WDR70: variants seen among roughly 807,000 people sequenced by gnomAD.
The protein encoded by WDR70 is WD repeat-containing protein 70.
Under a neutral mutation model 88.6 loss-of-function variants are expected in WDR70, and 53 were observed. The ratio of observed to expected loss-of-function variants is 0.60; its 90% CI spans 0.48 to 0.75. WDR70 has a LOEUF of 0.75. Ranked by LOEUF, WDR70 falls within the 30% of genes least tolerant of loss-of-function variation. WDR70 has a pLI of 0.00. For synonymous variants in WDR70, 280 were observed against 270.0 expected (o/e 1.04, Z -0.36); for missense variants, 610 against 823.2 (o/e 0.74, Z 3.17).
chr5:37,557,956 T>TACTCTTTTGAAAACTCTTCAAA (rs1561900797), intron 9 of WDR70, among the ~76,000 whole-genome samples: 1 of 145,030 alleles, frequency 6.9e-6, no homozygotes, highest in Admixed American at 6.8e-5. Flanking sequence ...TTCAAAAGAG[T>TACTCTTTTGAAAACTCTTCAAA]ATTATGTATA....
At chr5:37,453,187 G>A (rs1738726710) in intron 7 of WDR70, among the ~76,000 whole-genome samples, 1 of 152,146 alleles carries the variant, frequency 6.6e-6, no homozygotes, top group Non-Finnish European at 1.5e-5. Flanking sequence ...CTGTCAGGGA[G>A]ACCCTAACCC....
chr5:37,561,307 G>T (rs1453912439), intron 9 of WDR70, among the ~76,000 whole-genome samples: 3 of 152,086 alleles, frequency 2.0e-5, no homozygotes, highest in South Asian at 2.1e-4. Flanking sequence ...AAAATGGACC[G>T]ATCTAACTAA....
At chr5:37,395,641 A>T (rs1045021088) in intron 4 of WDR70, among the ~76,000 whole-genome samples, 1 of 152,204 alleles carries the variant, frequency 6.6e-6, no homozygotes, top group East Asian at 1.9e-4. Context: ...TAACTTCCTT[A>T]CATGACTGGC....
chr5:37,475,080 G>A (rs1739437726), intron 7 of WDR70, among the ~76,000 whole-genome samples: 1 of 151,340 alleles, frequency 6.6e-6, no homozygotes, highest in South Asian at 2.1e-4. Flanking sequence ...TACCACGCCT[G>A]GCTAATTTTT....
intron 10 of WDR70, among the ~76,000 whole-genome samples, chr5:37,616,423 T>G (rs890351410): frequency 2.0e-5 from 3 of 152,278 alleles, no homozygotes; most frequent in Middle Eastern, 3.4e-3. Flanking sequence ...CAAAAAACTT[T>G]TTAGTCAGAC....
chr5:37,518,530 G>A (rs1740964744), intron 9 of WDR70, among the ~76,000 whole-genome samples: 1 of 151,844 alleles, frequency 6.6e-6, no homozygotes, highest in African/African-American at 2.4e-5. Context: ...TAAGTTACTG[G>A]ATCTCATTCT....
chr5:37,594,020 T>A (rs1743621026), intron 9 of WDR70, among the ~76,000 whole-genome samples: 1 of 152,222 alleles, frequency 6.6e-6, no homozygotes, highest in African/African-American at 2.4e-5. Context: ...GTAAATTTGT[T>A]TAAGTTATTT....
At chr5:37,698,111 C>T (rs903352573) in intron 11 of WDR70, among the ~76,000 whole-genome samples, 3 of 152,058 alleles carry the variant, frequency 2.0e-5, no homozygotes, top group African/African-American at 4.8e-5. Context: ...TCTGGTACTT[C>T]AAAGTCTTCT....
At chr5:37,685,288 T>A (rs1199958156) in intron 10 of WDR70, among the ~76,000 whole-genome samples, 1 of 151,994 alleles carries the variant, frequency 6.6e-6, no homozygotes, top group Non-Finnish European at 1.5e-5. Flanking sequence ...TCCACTCATG[T>A]AGACACACAC....
chr5:37,704,882 CTTT>C (rs34278678), intron 13 of WDR70, among the ~76,000 whole-genome samples: 140 of 144,554 alleles, frequency 9.7e-4, no homozygotes, highest in Middle Eastern at 7.0e-3. Flanking sequence ...TATCTTGTGT[CTTT>C]TTTTTTTTTT....
At chr5:37,488,077 CT>C (rs34361001) in intron 8 of WDR70, among the ~76,000 whole-genome samples, 437 of 126,292 alleles carry the variant, frequency 3.5e-3, no homozygotes, top group African/African-American at 7.7e-3. Context: ...TCTTGGGTGG[CT>C]TTTTTTTTTT....
At chr5:37,531,904 C>T (rs188212170) in intron 9 of WDR70, among the ~76,000 whole-genome samples, 5 of 151,562 alleles carry the variant, frequency 3.3e-5, no homozygotes, top group Admixed American at 6.6e-5. Flanking sequence ...TCTGAGGATT[C>T]GTTTCAAAAT....
intron 8 of WDR70, 47 bp downstream of exon 8, chr5:37,480,034 T>G: frequency 1.9e-6 from 3 of 1,563,472 alleles, no homozygotes; most frequent in Non-Finnish European, 1.7e-6. Flanking sequence ...AGCACACATT[T>G]ATTAACAACT....
chr5:37,489,218 C>G (rs992227467), intron 8 of WDR70, among the ~76,000 whole-genome samples: 2 of 152,154 alleles, frequency 1.3e-5, no homozygotes, highest in Non-Finnish European at 2.9e-5. Flanking sequence ...TGGGCCCTTG[C>G]GCACAGTATA....
At chr5:37,649,730 C>CTTATT (rs551468211) in intron 10 of WDR70, among the ~76,000 whole-genome samples, 1 of 48,866 alleles carries the variant, frequency 2.0e-5, no homozygotes, top group South Asian at 8.9e-4. Context: ...GATGTTATTA[C>CTTATT]TTCTTTTTTT....
At chr5:37,598,233 T>C (rs1307201808) in intron 9 of WDR70, among the ~76,000 whole-genome samples, 1 of 145,706 alleles carries the variant, frequency 6.9e-6, no homozygotes, top group Non-Finnish European at 1.5e-5. Context: ...TAAATTATGA[T>C]AGTTTTTTTA....
intron 9 of WDR70, among the ~76,000 whole-genome samples, chr5:37,587,778 C>CT (rs55980790): frequency 0.012 from 1,453 of 122,722 alleles, 34 homozygotes; most frequent in African/African-American, 0.034. Flanking sequence ...AAGCCCTATT[C>CT]TTTTTTTTTT....
At chr5:37,503,550 A>G (rs1489366748) in intron 8 of WDR70, among the ~76,000 whole-genome samples, 2 of 152,152 alleles carry the variant, frequency 1.3e-5, no homozygotes, top group African/African-American at 2.4e-5. Flanking sequence ...TTAGTTTTCT[A>G]AGGATAATGG....
At chr5:37,728,364 C>CAAAAAAAAAAAAAAAAAAAAAA in intron 17 of WDR70, among the ~76,000 whole-genome samples, 1 of 134,318 alleles carries the variant, frequency 7.4e-6, no homozygotes, top group Non-Finnish European at 1.6e-5. Flanking sequence ...AAAAAAAAAA[C>CAAAAAAAAAAAAAAAAAAAAAA]AAAAAAAAAA....
Sources: allele counts gnomAD v4.1 joint callset (sites outside exome capture counted in the v4.1 genomes callset), GRCh38; gene constraint gnomAD v4.1.1; transcripts MANE v1.5; gene names NCBI Gene and HGNC (gene_info 2026-07-23, HGNC 2026-07-21).